Variants in PHACTR3 observed in about 807,000 individuals in gnomAD.
PHACTR3 encodes phosphatase and actin regulator 3.
PHACTR3 carries 16 observed loss-of-function variants against 66.8 expected under a neutral mutation model. The ratio of observed to expected loss-of-function variants is 0.24; its 90% CI spans 0.16 to 0.36. The LOEUF (loss-of-function observed/expected upper bound fraction) is 0.36. Ranked by LOEUF, PHACTR3 falls within the 10% of genes least tolerant of loss-of-function variation. PHACTR3 has a pLI of 1.00. For missense variants in PHACTR3, 647 were observed against 719.9 expected (o/e 0.90, Z 1.16); for synonymous variants, 323 against 292.1 (o/e 1.11, Z -1.08).
intron 1 of PHACTR3, among the ~76,000 whole-genome samples, chr20:59,667,195 G>T (rs1305104555): frequency 1.3e-5 from 2 of 152,192 alleles, no homozygotes; most frequent in Non-Finnish European, 2.9e-5. Flanking sequence ...GTGAGATGAG[G>T]TGATCGCAGG....
chr20:59,670,923 C>T lies in PHACTR3; in HGVS notation c.118+65791C>T, dbSNP rs1601056738. Among the ~76,000 whole-genome samples, 4 of 152,168 alleles carry T rather than the reference C, an allele frequency of 2.6e-5. No individual in the cohort carries two copies. In the East Asian group the frequency reaches 7.7e-4, roughly 29 times the overall value. On this transcript the variant is annotated intron_variant, in intron 1 of 12. Coordinates refer to ENST00000371015, the MANE Select transcript of PHACTR3 (RefSeq NM_080672.5). ...CACCTTAAATGTTCTTGCCACTTCT[C>T]CTCTGCAATCTCGTACTTTCTGCTC... is the stretch of plus-strand genomic sequence containing the variant.
At chr20:59,590,299 T>C (rs1351157146) in intron 1 of PHACTR3, among the ~76,000 whole-genome samples, 3 of 152,182 alleles carry the variant, frequency 2.0e-5, no homozygotes, top group African/African-American at 7.2e-5. Context: ...GAGGGACATT[T>C]AGGTTGTTTC....
At chr20:59,762,720 G>T (rs2040035264) in intron 4 of PHACTR3, among the ~76,000 whole-genome samples, 1 of 152,196 alleles carries the variant, frequency 6.6e-6, no homozygotes, top group Non-Finnish European at 1.5e-5. Context: ...TGCAGAAAAG[G>T]CCTGCCAAAC....
chr20:59,612,196 G>T (rs569502116), intron 1 of PHACTR3, among the ~76,000 whole-genome samples: 49 of 152,232 alleles, frequency 3.2e-4, no homozygotes, highest in East Asian at 1.2e-3. Flanking sequence ...TGAGAGCTGG[G>T]TTCTATTCCA....
At chr20:59,693,957 A>G (rs1022789883) in intron 1 of PHACTR3, among the ~76,000 whole-genome samples, 1 of 152,186 alleles carries the variant, frequency 6.6e-6, no homozygotes, top group African/African-American at 2.4e-5. Context: ...CCCAGATTCA[A>G]AGGAAGGGGG....
At chr20:59,763,352 G>A (rs1601297084) in intron 4 of PHACTR3, among the ~76,000 whole-genome samples, 4 of 152,182 alleles carry the variant, frequency 2.6e-5, no homozygotes, top group African/African-American at 9.7e-5. Flanking sequence ...CTCAGTCTTG[G>A]GCAGTTATTT....
chr20:59,804,478 G>A (rs2041506191), intron 7 of PHACTR3, among the ~76,000 whole-genome samples: 1 of 152,156 alleles, frequency 6.6e-6, no homozygotes, highest in Admixed American at 6.5e-5. Flanking sequence ...TCCTTTTCCT[G>A]TATTAGTCCC....
intron 1 of PHACTR3, among the ~76,000 whole-genome samples, chr20:59,687,766 A>G (rs2036955422): frequency 6.6e-6 from 1 of 152,168 alleles, no homozygotes; most frequent in Non-Finnish European, 1.5e-5. Context: ...AGCTGCCACC[A>G]AGAAACACTT....
intron 1 of PHACTR3, among the ~76,000 whole-genome samples, chr20:59,578,270 C>G (rs551348172): frequency 1.9e-3 from 285 of 152,342 alleles, no homozygotes; most frequent in African/African-American, 6.4e-3. Context: ...CCTCAGGCCT[C>G]CTGGTGACAA....
chr20:59,785,786 T>A (rs2040885578), intron 7 of PHACTR3, among the ~76,000 whole-genome samples: 1 of 152,212 alleles, frequency 6.6e-6, no homozygotes, highest in African/African-American at 2.4e-5. Context: ...CCTGGCATGT[T>A]GCACCAGCAC....
At chr20:59,802,062 C>G (rs1473319539) in intron 7 of PHACTR3, among the ~76,000 whole-genome samples, 1 of 152,210 alleles carries the variant, frequency 6.6e-6, no homozygotes, top group Non-Finnish European at 1.5e-5. Flanking sequence ...CCTGGTTCTG[C>G]TTCTTAACCA....
At chr20:59,588,436 C>T (rs986749129) in intron 1 of PHACTR3, among the ~76,000 whole-genome samples, 17 of 152,194 alleles carry the variant, frequency 1.1e-4, no homozygotes, top group Non-Finnish European at 1.5e-4. Context: ...TCTCTGCTGT[C>T]GTCCACTTTA....
At chr20:59,656,157 T>C (rs1015840926) in intron 1 of PHACTR3, among the ~76,000 whole-genome samples, 9 of 151,908 alleles carry the variant, frequency 5.9e-5, no homozygotes, top group Non-Finnish European at 1.2e-4. Flanking sequence ...TGTCATATGG[T>C]ATATAGTTCA....
At chr20:59,815,302 A>G (rs2041853103) in intron 8 of PHACTR3, among the ~76,000 whole-genome samples, 1 of 152,214 alleles carries the variant, frequency 6.6e-6, no homozygotes. Context: ...TGCAGAGACG[A>G]ACAAGGAACT....
At chr20:59,819,765 A>C (rs559708535) in intron 8 of PHACTR3, among the ~76,000 whole-genome samples, 6 of 151,398 alleles carry the variant, frequency 4.0e-5, no homozygotes, top group Admixed American at 1.3e-4. Flanking sequence ...CTGTCCCGGT[A>C]CTGGCCACCC....
intron 8 of PHACTR3, among the ~76,000 whole-genome samples, chr20:59,834,305 C>G (rs1012279164): frequency 6.6e-6 from 1 of 152,218 alleles, no homozygotes; most frequent in Non-Finnish European, 1.5e-5. Flanking sequence ...GGCCAGGAAT[C>G]TGGCTTGTTC....
chr20:59,595,762 G>T (rs7273296), intron 1 of PHACTR3, among the ~76,000 whole-genome samples: 1 of 152,114 alleles, frequency 6.6e-6, no homozygotes, highest in East Asian at 1.9e-4. Context: ...GTATTTTGAC[G>T]TCTGTCATTA....
chr20:59,631,381 T>C (rs2034657393), intron 1 of PHACTR3, among the ~76,000 whole-genome samples: 2 of 152,168 alleles, frequency 1.3e-5, no homozygotes, highest in African/African-American at 4.8e-5. Flanking sequence ...TTCTGTCCCC[T>C]AGCCCCCAGC....
intron 1 of PHACTR3, among the ~76,000 whole-genome samples, chr20:59,712,220 G>A (rs1234077963): frequency 1.3e-5 from 2 of 152,050 alleles, no homozygotes; most frequent in Non-Finnish European, 1.5e-5. Context: ...CTTAGTGGGG[G>A]TATGAAAGAT....
Sources: allele counts gnomAD v4.1 joint callset (sites outside exome capture counted in the v4.1 genomes callset), GRCh38; gene constraint gnomAD v4.1.1; transcripts MANE v1.5; gene names NCBI Gene and HGNC (gene_info 2026-07-23, HGNC 2026-07-21).